The following TEPSIN variants were observed in gnomAD, a reference collection of about 807,000 sequenced individuals.
TEPSIN encodes the protein TEPSIN adaptor related protein complex 4 accessory protein.
Under a neutral mutation model 48.5 loss-of-function variants are expected in TEPSIN, and 50 were observed. The observed-to-expected ratio is 1.03, with a 90% CI of 0.82 to 1.31. TEPSIN has a LOEUF of 1.31. Among genes scored for constraint, TEPSIN ranks in the 50% most tolerant of loss-of-function variants. TEPSIN has a pLI of 0.00. For missense variants in TEPSIN, 838 were observed against 815.9 expected (o/e 1.03, Z -0.33); for synonymous variants, 392 against 358.8 (o/e 1.09, Z -1.05).
chr17:81,229,556 A>T, intron 12 of TEPSIN, 80 bp from the exon 13 acceptor site: 1 of 1,447,018 alleles, frequency 6.9e-7, no homozygotes, highest in Non-Finnish European at 9.4e-7. Context: ...TCTCCCTAGG[A>T]CCTCCTCAGT....
In TEPSIN at chr17:81,228,415, A is replaced by G; in HGVS notation, c.*513T>C. Reference sequence around the variant, plus strand: ...CAGCCTAAAGGAGCAGGTGAGAGCCAGGGAAGGATCACGTAGGGATCTGAG... The same window carrying G: ...CAGCCTAAAGGAGCAGGTGAGAGCCGGGGAAGGATCACGTAGGGATCTGAG... On this transcript the variant is annotated 3_prime_UTR_variant, in exon 13 of 13. Transcript: ENST00000637944. 16 of 184,106 alleles carry G rather than the reference A, an allele frequency of 8.7e-5. No homozygotes were observed. Among genetic ancestry groups the G allele is most frequent in the Non-Finnish European group, 1.3e-4 (12 of 89,440 alleles). 11.4% of individuals were successfully genotyped at this position (184,106 alleles called of 1,614,324 possible).
Position 81,230,358 on chromosome 17 carries a change from G to T in TEPSIN, c.1233+186C>A. 1.4e-6 allele frequency: 1 copy of T among 729,072 alleles called. No individual in the cohort carries two copies. Among genetic ancestry groups the T allele is most frequent in the Non-Finnish European group, 2.2e-6 (1 of 459,380 alleles). 45.2% of individuals were successfully genotyped at this position (729,072 alleles called of 1,614,324 possible). ...GCTGCAGAGTTTGGGTGGAAGGCGG[G>T]AAGGCAATGGGGAGGTGAGGACCCT... On this transcript the variant is annotated intron_variant, in intron 12 of 12. Coordinates refer to ENST00000637944, the MANE Select transcript of TEPSIN (RefSeq NM_001363764.2). The surrounding 1 kb of genome is among the most constrained non-coding windows in gnomAD (Gnocchi z 4.2).
At chr17:81,232,103 G>T in intron 8 of TEPSIN, 82 bp from the exon 9 acceptor site, 1 of 1,501,332 alleles carries the variant, frequency 6.7e-7, no homozygotes, top group Non-Finnish European at 8.9e-7. Flanking sequence ...TGGACCAGGA[G>T]GCCTCGGGGG....
At chr17:81,231,337 ACACACACG>A in intron 11 of TEPSIN, 53 bp downstream of exon 11, 1 of 1,387,402 alleles carries the variant, frequency 7.2e-7, no homozygotes, top group African/African-American at 2.2e-5. Flanking sequence ...ACGCACACGC[ACACACACG>A]CACACAGGCA....
rs771349498 is a variant in TEPSIN at position 81,231,508 on chromosome 17, C to A, written c.1020-32G>T. 10 of 1,565,030 alleles carry A rather than the reference C, an allele frequency of 6.4e-6. No individual in the cohort carries two copies. In the Admixed American group the frequency reaches 1.5e-4, roughly 24 times the overall value. On this transcript the variant is annotated intron_variant, in intron 10 of 12. Coordinates refer to ENST00000637944, the MANE Select transcript of TEPSIN (RefSeq NM_001363764.2). ...AGAGGGGACACCTGGGTGGCGGGTG[C>A]GGCCCGTTCCCTCCTCCCTCGCCCA...
rs1346943324 is a variant in TEPSIN, at chr17:81,233,657, C to T, written c.435G>A (p.Leu145=). The change falls in exon 6 of 13, where the codon CTG becomes CTA. Residue 145 remains leucine (L), a synonymous_variant. Transcript: ENST00000637944. The surrounding 1 kb of genome is among the most constrained non-coding windows in gnomAD (Gnocchi z 5.8). The part of the protein sequence containing the change: ...TVLPLAPSQP[L]GTPPATGMGS... ...ACCTACCTGTGGCAGGCGGGGTCCCCAGAGGCTGGGAGGGAGCCAGCGGCA... is the reference window on the plus strand; with the variant it reads ...ACCTACCTGTGGCAGGCGGGGTCCCTAGAGGCTGGGAGGGAGCCAGCGGCA... The T allele has an allele frequency of 6.2e-7, 1 of 1,601,542 alleles. No homozygotes were observed. The highest frequency in any genetic ancestry group is 8.5e-7 in the Non-Finnish European group (1 of 1,176,026).
At chr17:81,235,381 G>C (rs192525542) in intron 4 of TEPSIN, among the ~76,000 whole-genome samples, 65 of 152,258 alleles carry the variant, frequency 4.3e-4, no homozygotes, top group Non-Finnish European at 7.8e-4. Flanking sequence ...CGTCTCTCAC[G>C]TGTGGCATCT....
rs2062595976 is a variant in TEPSIN at position 81,231,205 on chromosome 17, A to C, written c.1098+193T>G. The C allele has an allele frequency of 4.9e-6, 3 of 616,576 alleles. No individual in the cohort carries two copies. The South Asian group carries it at 5.9e-5, about 12-fold the overall frequency. The allele number at this position is 616,576 out of a possible 1,614,324, so 38.2% of individuals were successfully genotyped here. On this transcript the variant is annotated intron_variant, in intron 11 of 12. Coordinates refer to ENST00000637944, the MANE Select transcript of TEPSIN (RefSeq NM_001363764.2). ...ACCGCACACATGCACGAGTGTGTACACACACAGGCATACATACACAGGCAT... is the reference window on the plus strand; with the variant it reads ...ACCGCACACATGCACGAGTGTGTACCCACACAGGCATACATACACAGGCAT...
In TEPSIN at chr17:81,233,305, T is replaced by C. The variant is rs1434204903; in HGVS notation, c.526+127A>G. On this transcript the variant is annotated intron_variant, in intron 7 of 12. Coordinates refer to ENST00000637944, the MANE Select transcript of TEPSIN (RefSeq NM_001363764.2). The surrounding 1 kb of genome is among the most constrained non-coding windows in gnomAD (Gnocchi z 5.8). ...ACAGTGGGGACAGCCCCAGGAAGGG[T>C]TGAGGCCATGTAGGGGAGGGGACGG... is the stretch of plus-strand genomic sequence containing the variant. 7 of 1,130,592 alleles carry C rather than the reference T, an allele frequency of 6.2e-6. No individual in the cohort carries two copies. Among genetic ancestry groups the C allele is most frequent in the East Asian group, 5.2e-5 (2 of 38,224 alleles). 70.0% of individuals were successfully genotyped at this position (1,130,592 alleles called of 1,614,324 possible).
chr17:81,236,672 C>T (rs371434202), intron 4 of TEPSIN, 36 bp downstream of exon 4: 1 of 1,543,188 alleles, frequency 6.5e-7, no homozygotes, highest in Middle Eastern at 1.7e-4. Context: ...TCTCCAAAGC[C>T]CTGGCTCTTC....
Position 81,230,377 on chromosome 17 carries a change from G to A in TEPSIN, c.1233+167C>T, listed in dbSNP as rs1047335121. On this transcript the variant is annotated intron_variant, in intron 12 of 12. Transcript: ENST00000637944. The surrounding 1 kb of genome is among the most constrained non-coding windows in gnomAD (Gnocchi z 4.2). ...AGGCGGGAAGGCAATGGGGAGGTGA[G>A]GACCCTGACTTGCTGCTGCTCCCTC... 4.4e-6 allele frequency: 4 copies of A among 899,422 alleles called. No homozygotes were observed. Among genetic ancestry groups the A allele is most frequent in the Non-Finnish European group, 6.6e-6 (4 of 606,734 alleles). 55.7% of individuals were successfully genotyped at this position (899,422 alleles called of 1,614,324 possible). A position where few individuals can be genotyped will look rare whatever the true frequency, so the allele number is the denominator to read the frequency against.
chr17:81,229,815 A>G, intron 12 of TEPSIN: 1 of 363,510 alleles, frequency 2.8e-6, no homozygotes, highest in East Asian at 6.0e-5. Flanking sequence ...ACATCTGGGC[A>G]TTTCCAACTG....
At chr17:81,232,917 G>C (rs1212277436) in intron 7 of TEPSIN, 2 of 235,970 alleles carry the variant, frequency 8.5e-6, no homozygotes, top group African/African-American at 4.6e-5. Flanking sequence ...GCCCCAGGCT[G>C]TGCGCAGGAC....
chr17:81,230,714 G>A lies in TEPSIN; in HGVS notation c.1099-36C>T, dbSNP rs1203507296. ...AGGGAGGGGACATCAGCACCCATGG[G>A]GCAGCAGGTCCACGCCAGGGAGGCC... On this transcript the variant is annotated intron_variant, in intron 11 of 12. Transcript: ENST00000637944. This position sits in a 1 kb window ranked among gnomAD's most constrained non-coding sequence, Gnocchi z 4.2. 1.3e-6 allele frequency: 2 copies of A among 1,489,466 alleles called. No individual in the cohort carries two copies. The highest frequency in any genetic ancestry group is 1.8e-6 in the Non-Finnish European group (2 of 1,118,462). The allele number at this position is 1,489,466 out of a possible 1,614,324, so 92.3% of individuals were successfully genotyped here.
At position 81,231,682 on chromosome 17, in the gene TEPSIN, C is replaced by T; in HGVS notation, c.915G>A (p.Val305=). 6.2e-7 allele frequency: 1 copy of T among 1,611,814 alleles called. No homozygotes were observed. Among genetic ancestry groups the T allele is most frequent in the Non-Finnish European group, 8.5e-7 (1 of 1,179,142 alleles). Residue 305 remains valine (V), a synonymous_variant, in exon 10 of 13, where the codon GTG becomes GTA. Transcript: ENST00000637944. ...CCTGCTGACAGTCACTCAGGGCCAC[C>T]ACCTCGACCCTGCCAGGGGGAATGG... ...EPGDLAERVE[V]VALSDCQQEL... is the part of the protein sequence containing the mutation.
rs140007199 is a variant in TEPSIN, at chr17:81,237,587, A to C, written c.49-128T>G. On this transcript the variant is annotated intron_variant, in intron 1 of 12. Coordinates refer to ENST00000637944, the MANE Select transcript of TEPSIN (RefSeq NM_001363764.2). ...GACATGGCCGGAGAGAGGACTGGGAAGGGATGAGAACTGTGCTACTGGCCA... is the reference window on the plus strand; with the variant it reads ...GACATGGCCGGAGAGAGGACTGGGACGGGATGAGAACTGTGCTACTGGCCA... 3.6e-4 allele frequency: 359 copies of C among 992,534 alleles called. No homozygotes were observed. In the African/African-American group the frequency reaches 5.3e-3, roughly 15 times the overall value. The allele number at this position is 992,534 out of a possible 1,614,324, so 61.5% of individuals were successfully genotyped here.
At chr17:81,232,738 C>G (rs1483742423) in intron 7 of TEPSIN, 2 of 554,016 alleles carry the variant, frequency 3.6e-6, no homozygotes, top group Admixed American at 6.5e-5. Flanking sequence ...CACCAAAGCT[C>G]ACTGCAGAGT....
At chr17:81,237,145 G>A in intron 2 of TEPSIN, 74 bp from the exon 3 acceptor site, 1 of 1,461,250 alleles carries the variant, frequency 6.8e-7, no homozygotes, top group East Asian at 2.5e-5. Context: ...CAGGCCATGG[G>A]GCCTCTCAGT....
chr17:81,229,572 C>T lies in TEPSIN; in HGVS notation c.1234-96G>A, dbSNP rs941329253. On this transcript the variant is annotated intron_variant, in intron 12 of 12. Coordinates refer to ENST00000637944, the MANE Select transcript of TEPSIN (RefSeq NM_001363764.2). ...CTCCCTAGGACCTCCTCAGTCCCTC[C>T]ACCCAGAGGGCAGGGCCACCTCTGG... 1.6e-5 allele frequency: 22 copies of T among 1,346,828 alleles called. No homozygotes were observed. In the African/African-American group the frequency reaches 2.4e-4, roughly 14 times the overall value. The allele number at this position is 1,346,828 out of a possible 1,614,324, so 83.4% of individuals were successfully genotyped here. A position where few individuals can be genotyped will look rare whatever the true frequency, so the allele number is the denominator to read the frequency against.
Sources: gnomAD v4.1 joint callset for allele counts (sites outside exome capture counted in the v4.1 genomes callset) on GRCh38, gnomAD v4.1.1 for gene constraint, Gnocchi (gnomAD v3.1) non-coding constraint, MANE v1.5 for transcripts, NCBI Gene and HGNC (gene_info 2026-07-23, HGNC 2026-07-21) for gene names.